MIGA1: variants seen among roughly 807,000 people sequenced by gnomAD.
MIGA1 encodes the protein family with sequence similarity 73, member A.
In MIGA1, 58 loss-of-function variants were observed where a neutral mutation model predicts 82.0. That is an observed-to-expected ratio of 0.71 (90% CI 0.57 to 0.88). The LOEUF (loss-of-function observed/expected upper bound fraction) is 0.88. Ranked by LOEUF, MIGA1 falls within the 40% of genes least tolerant of loss-of-function variation. The probability of loss-of-function intolerance (pLI) is 0.00; values close to 1 mark genes in which losing one functional copy is unlikely to be tolerated. For synonymous variants in MIGA1, 249 were observed against 253.6 expected, an observed-to-expected ratio of 0.98 and a Z score of 0.17; for missense variants, 751 against 749.1, an observed-to-expected ratio of 1.00 and a Z score of -0.03.
intron 7 of MIGA1, among the ~76,000 whole-genome samples, chr1:77,827,973 G>T (rs1243849683): frequency 6.6e-6 from 1 of 152,068 alleles, no homozygotes; most frequent in Non-Finnish European, 1.5e-5. Flanking sequence ...TAGGAGTATA[G>T]CTTGAACCCA....
At chr1:77,817,151 T>C (rs2101810475) in intron 7 of MIGA1, among the ~76,000 whole-genome samples, 1 of 152,302 alleles carries the variant, frequency 6.6e-6, no homozygotes, top group East Asian at 1.9e-4. Context: ...TCTATATCCT[T>C]CTGTAGAGGT....
intron 8 of MIGA1, chr1:77,848,936 T>C (rs749704997): frequency 2.3e-6 from 1 of 433,510 alleles, no homozygotes; most frequent in Non-Finnish European, 3.9e-6. Context: ...AATTTTAGGT[T>C]AAAATCAAAA....
intron 2 of MIGA1, among the ~76,000 whole-genome samples, chr1:77,794,311 T>G (rs113454416): frequency 0.026 from 4,017 of 152,298 alleles, 55 homozygotes; most frequent in Middle Eastern, 0.078. Context: ...CCACCTTATA[T>G]CCTTCAGGAT....
chr1:77,839,843 A>C (rs949813118), intron 7 of MIGA1, among the ~76,000 whole-genome samples: 10 of 152,142 alleles, frequency 6.6e-5, no homozygotes, highest in African/African-American at 2.4e-4. Context: ...CCCAGACTCA[A>C]GTGATCCTCC....
Position 77,871,951 on chromosome 1 carries a change from C to T in MIGA1, c.1564-1053C>T, listed in dbSNP as rs551613610. Among the ~76,000 whole-genome samples, 39 of 151,882 alleles carry T rather than the reference C, an allele frequency of 2.6e-4. 1 individual carries two copies. Among genetic ancestry groups the T allele is most frequent in the East Asian group, 1.2e-3 (6 of 5,156 alleles). On this transcript the variant is annotated intron_variant, in intron 14 of 15. Coordinates refer to ENST00000370791, the MANE Select transcript of MIGA1 (RefSeq NM_198549.4). ...CACTGTAGCATTCTTGTTGTTGCTT[C>T]GTTGCAAAGCTAATATGATTGCCCT...
At chr1:77,782,773 A>T (rs937846895) in intron 1 of MIGA1, 5 of 582,302 alleles carry the variant, frequency 8.6e-6, no homozygotes, top group Non-Finnish European at 1.1e-5. Context: ...GAGTTCAGTC[A>T]GTGAACTCTG....
intron 2 of MIGA1, among the ~76,000 whole-genome samples, chr1:77,791,503 T>C (rs1682423294): frequency 6.6e-6 from 1 of 151,996 alleles, no homozygotes; most frequent in African/African-American, 2.4e-5. Context: ...CTTGTAGGTG[T>C]TTGTGTGGAC....
chr1:77,848,631 A>T (rs1684931610), intron 8 of MIGA1: 1 of 1,541,204 alleles, frequency 6.5e-7, no homozygotes, highest in African/African-American at 1.4e-5. Context: ...CAAAACACAG[A>T]CTCACAGAAA....
chr1:77,848,565 A>T, intron 8 of MIGA1: 1 of 1,342,944 alleles, frequency 7.4e-7, no homozygotes, highest in East Asian at 2.3e-5. Flanking sequence ...GAAACATGAC[A>T]AAAGACAAAG....
chr1:77,783,908 C>G (rs112888582), intron 2 of MIGA1, among the ~76,000 whole-genome samples: 4,023 of 152,238 alleles, frequency 0.026, 57 homozygotes, highest in Middle Eastern at 0.078. Context: ...CAAGTAGAAC[C>G]CTACAGAATT....
At chr1:77,793,048 C>T (rs1682495407) in intron 2 of MIGA1, among the ~76,000 whole-genome samples, 1 of 152,086 alleles carries the variant, frequency 6.6e-6, no homozygotes, top group African/African-American at 2.4e-5. Context: ...GCCTCAGCCT[C>T]CCAAAGTACT....
intron 5 of MIGA1, among the ~76,000 whole-genome samples, chr1:77,808,893 C>G (rs772936932): frequency 2.0e-4 from 31 of 152,180 alleles, no homozygotes; most frequent in Non-Finnish European, 4.4e-4. Context: ...GAGTTAAATT[C>G]ACATATTTCT....
chr1:77,822,860 C>T (rs991344777), intron 7 of MIGA1, among the ~76,000 whole-genome samples: 7 of 129,246 alleles, frequency 5.4e-5, no homozygotes, highest in South Asian at 2.4e-4. Flanking sequence ...TTTTTTTTTC[C>T]GAGACAGAGT....
chr1:77,879,225 G>A lies in MIGA1; in HGVS notation c.*4161G>A, dbSNP rs1331501505. 2.0e-5 allele frequency: 3 copies of A among 151,882 alleles called. No individual in the cohort carries two copies. The highest frequency in any genetic ancestry group is 7.3e-5 in the African/African-American group (3 of 41,346). 9.4% of individuals were successfully genotyped at this position (151,882 alleles called of 1,614,324 possible). The stretch of plus-strand genomic sequence containing the variant: ...AATTAAGCTGAATTCTAATTTTTTT[G>A]CTTAGATTTAGAAATATGTATGTGA... On this transcript the variant is annotated 3_prime_UTR_variant, in exon 16 of 16. Transcript: ENST00000370791.
intron 1 of MIGA1, among the ~76,000 whole-genome samples, chr1:77,781,346 T>G (rs1428239495): frequency 1.3e-5 from 2 of 152,252 alleles, no homozygotes; most frequent in African/African-American, 4.8e-5. Flanking sequence ...AATACGTTTT[T>G]TAAATGCAGT....
At chr1:77,850,344 G>A (rs1685000476) in intron 8 of MIGA1, among the ~76,000 whole-genome samples, 2 of 152,144 alleles carry the variant, frequency 1.3e-5, no homozygotes, top group African/African-American at 4.8e-5. Flanking sequence ...AATGTGGGTT[G>A]GGATGTGAGT....
At chr1:77,790,428 G>A (rs537965975) in intron 2 of MIGA1, among the ~76,000 whole-genome samples, 1 of 152,128 alleles carries the variant, frequency 6.6e-6, no homozygotes, top group South Asian at 2.1e-4. Context: ...CACCACACCC[G>A]GCTAATTTTT....
chr1:77,813,719 GTTC>G lies in MIGA1; in HGVS notation c.638-12_638-10del. The G allele has an allele frequency of 1.2e-6, 2 of 1,612,492 alleles. No individual in the cohort carries two copies. Among genetic ancestry groups the G allele is most frequent in the Non-Finnish European group, 1.7e-6 (2 of 1,179,186 alleles). ...GATTTTGCTCAGTTAAAATTGTTCT[GTTC>G]TTAATTTTTAGGTATGGAATTGTTT... On this transcript the variant is annotated splice_polypyrimidine_tract_variant and intron_variant, in intron 5 of 15. Coordinates refer to ENST00000370791, the MANE Select transcript of MIGA1 (RefSeq NM_198549.4).
At chr1:77,837,682 C>T (rs998766889) in intron 7 of MIGA1, among the ~76,000 whole-genome samples, 1 of 152,114 alleles carries the variant, frequency 6.6e-6, no homozygotes, top group Non-Finnish European at 1.5e-5. Context: ...GCAGACATTC[C>T]TTAGTTTCCA....
Sources: gnomAD v4.1 joint callset for allele counts (sites outside exome capture counted in the v4.1 genomes callset) on GRCh38, gnomAD v4.1.1 for gene constraint, MANE v1.5 for transcripts, NCBI Gene and HGNC (gene_info 2026-07-23, HGNC 2026-07-21) for gene names.